The following FMNL2 variants were observed in gnomAD, a reference collection of about 807,000 sequenced individuals.
FMNL2 encodes formin-like protein 2.
A neutral mutation model predicts 130.2 loss-of-function variants in FMNL2; 51 were observed. That is an observed-to-expected ratio of 0.39 (90% CI 0.31 to 0.49). The LOEUF (loss-of-function observed/expected upper bound fraction) is 0.49, where lower values mean the gene tolerates loss of function less well. Ranked by LOEUF, FMNL2 falls within the 20% of genes least tolerant of loss-of-function variation. The pLI, the probability that FMNL2 is intolerant of heterozygous loss-of-function variation, is 0.85. For synonymous variants in FMNL2, 465 were observed against 467.1 expected (o/e 1.00, Z 0.06); for missense variants, 977 against 1,316.2 (o/e 0.74, Z 3.99).
chr2:152,631,870 C>A, intron 20 of FMNL2, 138 bp from the exon 21 acceptor site: 1 of 911,376 alleles, frequency 1.1e-6, no homozygotes, highest in Non-Finnish European at 1.6e-6. Flanking sequence ...GGAATCCTGA[C>A]CCTCCTCTGG....
chr2:152,437,732 C>T (rs1687841025), intron 1 of FMNL2, among the ~76,000 whole-genome samples: 1 of 152,166 alleles, frequency 6.6e-6, no homozygotes, highest in African/African-American at 2.4e-5. Flanking sequence ...ATTCCAGATT[C>T]AAACAACAGA....
At chr2:152,461,657 A>C (rs1343026336) in intron 1 of FMNL2, among the ~76,000 whole-genome samples, 1 of 152,228 alleles carries the variant, frequency 6.6e-6, no homozygotes, top group African/African-American at 2.4e-5. Flanking sequence ...TGCAGCTGGC[A>C]GCTACTGTAT....
intron 1 of FMNL2, among the ~76,000 whole-genome samples, chr2:152,490,616 T>TGTGTGTGTGTGTGTGTGTGTGTG (rs70974867): frequency 2.8e-5 from 4 of 142,014 alleles, no homozygotes; most frequent in Non-Finnish European, 3.1e-5. Context: ...TGTGTGTGTG[T>TGTGTGTGTGTGTGTGTGTGTGTG]TGGATAAACT....
intron 1 of FMNL2, among the ~76,000 whole-genome samples, chr2:152,458,237 T>C (rs1391310871): frequency 1.3e-5 from 2 of 152,204 alleles, no homozygotes; most frequent in African/African-American, 4.8e-5. Flanking sequence ...TTTCTATACC[T>C]GTACCATAAT....
chr2:152,335,538 C>A lies in FMNL2; in HGVS notation c.-66C>A. 2 of 1,358,996 alleles carry A rather than the reference C, an allele frequency of 1.5e-6. No homozygotes were observed. The highest frequency in any genetic ancestry group is 2.0e-6 in the Non-Finnish European group (2 of 988,042). The allele number at this position is 1,358,996 out of a possible 1,614,324, so 84.2% of individuals were successfully genotyped here. On this transcript the variant is annotated 5_prime_UTR_variant, in exon 1 of 26. The change creates a new upstream start codon in the 5' untranslated region. Coordinates refer to ENST00000288670, the MANE Select transcript of FMNL2 (RefSeq NM_052905.4). ...GCGGGCGGCAGCCGACCGCCGGGAG[C>A]TGTTCTGATTTCCGACGCGCACGCT...
At chr2:152,548,555 G>A (rs933774799) in intron 3 of FMNL2, among the ~76,000 whole-genome samples, 7 of 152,154 alleles carry the variant, frequency 4.6e-5, no homozygotes, top group African/African-American at 1.7e-4. Flanking sequence ...TCTCCTCGGG[G>A]AGAGGACTCC....
intron 12 of FMNL2, among the ~76,000 whole-genome samples, chr2:152,616,724 A>C (rs1698972696): frequency 6.6e-6 from 1 of 152,188 alleles, no homozygotes; most frequent in South Asian, 2.1e-4. Flanking sequence ...AATTTTCAAA[A>C]GCTTTAGGCT....
At chr2:152,401,234 A>G (rs2105962725) in intron 1 of FMNL2, among the ~76,000 whole-genome samples, 1 of 152,246 alleles carries the variant, frequency 6.6e-6, no homozygotes, top group East Asian at 1.9e-4. Flanking sequence ...ATTTTACAGA[A>G]GTCCCTATGT....
intron 1 of FMNL2, among the ~76,000 whole-genome samples, chr2:152,401,120 C>T (rs1250245196): frequency 1.3e-5 from 2 of 152,186 alleles, no homozygotes; most frequent in Admixed American, 1.3e-4. Flanking sequence ...TCTCAACAGG[C>T]CTGGGCCTGT....
chr2:152,538,274 G>GT (rs5835432), intron 2 of FMNL2, among the ~76,000 whole-genome samples: 52 of 149,970 alleles, frequency 3.5e-4, no homozygotes, highest in Non-Finnish European at 4.9e-4. Flanking sequence ...TTTATATGAG[G>GT]TTTTTTTTTT....
At chr2:152,514,017 T>C (rs1311738296) in intron 1 of FMNL2, among the ~76,000 whole-genome samples, 1 of 152,048 alleles carries the variant, frequency 6.6e-6, no homozygotes, top group African/African-American at 2.4e-5. Flanking sequence ...TGAATATAGG[T>C]CATGGAAGGA....
intron 1 of FMNL2, among the ~76,000 whole-genome samples, chr2:152,398,928 A>T (rs1050841329): frequency 3.9e-5 from 6 of 152,198 alleles, no homozygotes; most frequent in African/African-American, 1.4e-4. Flanking sequence ...GGCTTCAGGG[A>T]GAGGATGTCA....
At chr2:152,615,520 T>C (rs1286067150) in intron 12 of FMNL2, among the ~76,000 whole-genome samples, 1 of 152,258 alleles carries the variant, frequency 6.6e-6, no homozygotes, top group African/African-American at 2.4e-5. Context: ...TCATATATCC[T>C]GTTCTTTGAA....
intron 1 of FMNL2, among the ~76,000 whole-genome samples, chr2:152,450,061 C>G (rs1285613089): frequency 6.6e-6 from 1 of 152,050 alleles, no homozygotes; most frequent in African/African-American, 2.4e-5. Flanking sequence ...AGAAATATTC[C>G]AGTTTTTGAA....
At chr2:152,388,808 GAC>G (rs1684934526) in intron 1 of FMNL2, among the ~76,000 whole-genome samples, 1 of 152,200 alleles carries the variant, frequency 6.6e-6, no homozygotes, top group Non-Finnish European at 1.5e-5. Context: ...CAACTAAAGT[GAC>G]ATTAGAACCA....
At chr2:152,563,200 T>C (rs1465324504) in intron 6 of FMNL2, among the ~76,000 whole-genome samples, 1 of 152,192 alleles carries the variant, frequency 6.6e-6, no homozygotes, top group East Asian at 1.9e-4. Context: ...ATAGGGAAAT[T>C]GTATCTGGAA....
At chr2:152,576,798 A>G (rs1696502355) in intron 7 of FMNL2, among the ~76,000 whole-genome samples, 1 of 152,190 alleles carries the variant, frequency 6.6e-6, no homozygotes, top group Non-Finnish European at 1.5e-5. Flanking sequence ...GAAAAGGGCA[A>G]GTGCAGAGAC....
chr2:152,602,115 A>G (rs1030476014), intron 9 of FMNL2, among the ~76,000 whole-genome samples: 2 of 152,052 alleles, frequency 1.3e-5, no homozygotes, highest in African/African-American at 2.4e-5. Context: ...TCCCATTTCT[A>G]CCCTTATAGC....
At chr2:152,560,245 A>G (rs1438764676) in intron 5 of FMNL2, among the ~76,000 whole-genome samples, 5 of 152,058 alleles carry the variant, frequency 3.3e-5, no homozygotes, top group African/African-American at 7.2e-5. Context: ...CTGTTTAAAA[A>G]CTTTGTTCCT....
Sources: gnomAD v4.1 joint callset for allele counts (sites outside exome capture counted in the v4.1 genomes callset) on GRCh38, gnomAD v4.1.1 for gene constraint, MANE v1.5 for transcripts, NCBI Gene and HGNC (gene_info 2026-07-23, HGNC 2026-07-21) for gene names.